PCDH11X: variants seen among roughly 807,000 people sequenced by gnomAD.
The protein encoded by PCDH11X is protocadherin 11 X-linked.
In PCDH11X, 18 loss-of-function variants were observed where a neutral mutation model predicts 53.3. The observed-to-expected ratio is 0.34, with a 90% CI of 0.23 to 0.50. The LOEUF (loss-of-function observed/expected upper bound fraction) is 0.50. Ranked by LOEUF, PCDH11X falls within the 20% of genes least tolerant of loss-of-function variation. PCDH11X has a pLI of 0.98. For missense variants in PCDH11X, 570 were observed against 1,032.4 expected (o/e 0.55, Z 6.14); for synonymous variants, 279 against 393.3 (o/e 0.71, Z 3.44).
intron 6 of PCDH11X, among the ~76,000 whole-genome samples, chrX:92,187,256 G>A (rs750696312): frequency 1.7e-4 from 19 of 111,263 alleles, no homozygotes; most frequent in African/African-American, 5.9e-4. Context: ...GAGGCTACCC[G>A]CAGTCCTGGG....
intron 7 of PCDH11X, among the ~76,000 whole-genome samples, chrX:92,209,247 G>A (rs765814198): frequency 1.3e-4 from 15 of 111,437 alleles, no homozygotes; most frequent in Admixed American, 1.1e-3. Context: ...CTAAAAATTC[G>A]AAGTCCAAAC....
At chrX:92,221,284 C>CGT (rs2066872251) in intron 7 of PCDH11X, among the ~76,000 whole-genome samples, 1 of 15,734 alleles carries the variant, frequency 6.4e-5, no homozygotes, top group Non-Finnish European at 1.5e-4. Context: ...ATACAACACA[C>CGT]ACACACACAC....
chrX:92,336,015 A>G (rs1161653933), intron 8 of PCDH11X, among the ~76,000 whole-genome samples: 1 of 111,711 alleles, frequency 9.0e-6, no homozygotes. Flanking sequence ...AAATGTTTGT[A>G]GATGACACCT....
At chrX:91,799,294 T>C (rs915698749) in intron 1 of PCDH11X, among the ~76,000 whole-genome samples, 2 of 111,648 alleles carry the variant, frequency 1.8e-5, no homozygotes, top group Non-Finnish European at 3.8e-5. Flanking sequence ...TATCCTTCAA[T>C]TAATAATAAA....
intron 6 of PCDH11X, among the ~76,000 whole-genome samples, chrX:92,123,565 C>A (rs2064809330): frequency 9.3e-6 from 1 of 107,387 alleles, no homozygotes; most frequent in Admixed American, 1.0e-4. Context: ...AATACTGGCC[C>A]AGTTTCTCTC....
At chrX:92,475,094 G>A (rs1268269851) in intron 10 of PCDH11X, among the ~76,000 whole-genome samples, 49 of 98,289 alleles carry the variant, frequency 5.0e-4, no homozygotes, top group African/African-American at 1.7e-3. Context: ...GAACCCGGGA[G>A]GCGGAGCTTG....
chrX:92,558,355 T>A (rs973360748), intron 10 of PCDH11X, among the ~76,000 whole-genome samples: 2 of 111,754 alleles, frequency 1.8e-5, no homozygotes, highest in Non-Finnish European at 3.8e-5. Context: ...AGTTGTCTTT[T>A]AAAAAGGCAC....
At chrX:92,414,537 A>G (rs1239360482) in intron 9 of PCDH11X, among the ~76,000 whole-genome samples, 83 of 99,618 alleles carry the variant, frequency 8.3e-4, no homozygotes, top group Non-Finnish European at 1.5e-3. Flanking sequence ...AGGTTGTTCA[A>G]TTTACACCAT....
intron 6 of PCDH11X, among the ~76,000 whole-genome samples, chrX:92,176,768 T>C (rs1306451566): frequency 9.0e-6 from 1 of 110,711 alleles, no homozygotes; most frequent in South Asian, 3.9e-4. Flanking sequence ...AGAGAAAACA[T>C]AGATACATAG....
intron 7 of PCDH11X, among the ~76,000 whole-genome samples, chrX:92,228,480 A>C (rs979819933): frequency 9.0e-6 from 1 of 111,431 alleles, no homozygotes; most frequent in African/African-American, 3.3e-5. Context: ...TTGGGGAGGC[A>C]GTAGAACATA....
At chrX:92,336,837 G>T (rs1385055447) in intron 8 of PCDH11X, among the ~76,000 whole-genome samples, 2 of 110,958 alleles carry the variant, frequency 1.8e-5, no homozygotes, top group Non-Finnish European at 1.9e-5. Flanking sequence ...TAAGAAAATA[G>T]TCATAGTGTC....
At chrX:92,179,840 A>T (rs2148289519) in intron 6 of PCDH11X, among the ~76,000 whole-genome samples, 1 of 111,881 alleles carries the variant, frequency 8.9e-6, no homozygotes, top group South Asian at 3.8e-4. Context: ...TGAAGCAGCA[A>T]TCAGCAGTAG....
At chrX:92,573,456 A>G (rs1410679488) in intron 10 of PCDH11X, among the ~76,000 whole-genome samples, 1 of 111,083 alleles carries the variant, frequency 9.0e-6, no homozygotes, top group Non-Finnish European at 1.9e-5. Context: ...CTGAGTGGAC[A>G]CTCATTTAAA....
intron 6 of PCDH11X, among the ~76,000 whole-genome samples, chrX:91,975,197 G>A (rs1286526871): frequency 9.0e-6 from 1 of 111,568 alleles, no homozygotes; most frequent in Admixed American, 9.6e-5. Flanking sequence ...GTGGTGAAAA[G>A]TGGTCAGTTT....
chrX:92,060,029 G>A (rs372815970), intron 6 of PCDH11X, among the ~76,000 whole-genome samples: 3 of 110,394 alleles, frequency 2.7e-5, no homozygotes, highest in East Asian at 5.7e-4. Flanking sequence ...TTATTCATAG[G>A]TATAGATTGT....
At chrX:92,377,237 A>G (rs1029512731) in intron 8 of PCDH11X, among the ~76,000 whole-genome samples, 3 of 111,745 alleles carry the variant, frequency 2.7e-5, no homozygotes, top group Non-Finnish European at 3.8e-5. Flanking sequence ...TGGAAGGCTC[A>G]TTGCATTTAA....
At chrX:91,831,967 A>C (rs1937122425) in intron 4 of PCDH11X, among the ~76,000 whole-genome samples, 2 of 108,306 alleles carry the variant, frequency 1.8e-5, no homozygotes, top group Non-Finnish European at 3.8e-5. Flanking sequence ...TAAGCTTTAG[A>C]AATGGTATTT....
intron 7 of PCDH11X, among the ~76,000 whole-genome samples, chrX:92,232,751 T>C (rs746123551): frequency 1.6e-4 from 18 of 112,427 alleles, no homozygotes; most frequent in Non-Finnish European, 3.0e-4. Flanking sequence ...GAGTCTCGTT[T>C]TGTCGCCCAG....
intron 6 of PCDH11X, among the ~76,000 whole-genome samples, chrX:91,907,119 G>A (rs2524594): frequency 0.22 from 24,287 of 109,659 alleles, 2,407 homozygotes; most frequent in Admixed American, 0.47. Context: ...TTTAAAATAA[G>A]ATGACATGAC....
Sources: gnomAD v4.1 joint callset for allele counts (sites outside exome capture counted in the v4.1 genomes callset) on GRCh38, gnomAD v4.1.1 for gene constraint, MANE v1.5 for transcripts, NCBI Gene and HGNC (gene_info 2026-07-23, HGNC 2026-07-21) for gene names.